The following FNTB variants were observed in gnomAD, a reference collection of about 807,000 sequenced individuals.
FNTB encodes the protein protein farnesyltransferase subunit beta.
Under a neutral mutation model 59.4 loss-of-function variants are expected in FNTB, and 27 were observed. The observed-to-expected ratio is 0.45, with a 90% CI of 0.34 to 0.63. The LOEUF is 0.63. FNTB is among the 20% of genes least tolerant of loss of function. FNTB has a pLI of 0.02. For synonymous variants in FNTB, 230 were observed against 220.7 expected (o/e 1.04, Z -0.37); for missense variants, 449 against 559.6 (o/e 0.80, Z 1.99).
At chr14:65,038,512 G>A (rs1411782497) in intron 7 of FNTB, among the ~76,000 whole-genome samples, 1 of 151,874 alleles carries the variant, frequency 6.6e-6, no homozygotes, top group African/African-American at 2.4e-5. Flanking sequence ...GAGGTCAGGA[G>A]TTCGAAACCA....
intron 1 of FNTB, among the ~76,000 whole-genome samples, chr14:65,002,594 G>T (rs926538308): frequency 6.6e-6 from 1 of 151,680 alleles, no homozygotes; most frequent in Non-Finnish European, 1.5e-5. Flanking sequence ...GGATGACAGA[G>T]ACTCCGTCTC....
At chr14:64,993,586 A>G (rs1427302734) in intron 1 of FNTB, among the ~76,000 whole-genome samples, 2 of 152,220 alleles carry the variant, frequency 1.3e-5, no homozygotes, top group Non-Finnish European at 2.9e-5. Flanking sequence ...TATATTTCAT[A>G]TATTAAATGA....
In FNTB at chr14:65,047,978, A is replaced by ATTTTTT. The variant is rs34879850; in HGVS notation, c.955+3557_955+3562dup. On this transcript the variant is annotated intron_variant, in intron 9 of 11. Coordinates refer to ENST00000246166, the MANE Select transcript of FNTB (RefSeq NM_002028.4). The surrounding 1 kb of genome is among the most constrained non-coding windows in gnomAD (Gnocchi z 5.2). ...AGACAGAAGGAGGGAGACTTTTTAG[A>ATTTTTT]TTTTTTTTTTTTTTTTTTTTTTTTT... Among the ~76,000 whole-genome samples the ATTTTTT allele has an allele frequency of 4.7e-5, 3 of 64,128 alleles. No homozygotes were observed. Among genetic ancestry groups the ATTTTTT allele is most frequent in the Non-Finnish European group, 8.2e-5 (3 of 36,398 alleles). The allele number at this position is 64,128 out of a possible 152,430, so 42.1% of individuals were successfully genotyped here. A position where few individuals can be genotyped will look rare whatever the true frequency, so the allele number is the denominator to read the frequency against.
Position 64,987,108 on chromosome 14 carries a change from A to T in FNTB, c.144+11A>T, listed in dbSNP as rs375130871. On this transcript the variant is annotated intron_variant, in intron 1 of 11. Coordinates refer to ENST00000246166, the MANE Select transcript of FNTB (RefSeq NM_002028.4). ...ACGTCCATAGAACAGGTGAGGTGGC[A>T]GGACTGGGCGAGGCGCCCGCGCGAT... The T allele has an allele frequency of 1.2e-6, 2 of 1,614,062 alleles. No homozygotes were observed. Among genetic ancestry groups the T allele is most frequent in the South Asian group, 2.2e-5 (2 of 91,078 alleles).
chr14:65,004,878 G>T (rs576515182), intron 2 of FNTB, among the ~76,000 whole-genome samples: 1 of 152,100 alleles, frequency 6.6e-6, no homozygotes, highest in Non-Finnish European at 1.5e-5. Flanking sequence ...GGCCAGTCTT[G>T]TCTTAAACTC....
In FNTB at chr14:65,002,594, G is replaced by A. The variant is rs926538308; in HGVS notation, c.145-1655G>A. Among the ~76,000 whole-genome samples the A allele has an allele frequency of 2.0e-5, 3 of 151,798 alleles. No individual in the cohort carries two copies. The South Asian group carries it at 6.2e-4, about 32-fold the overall frequency. Reference sequence around the variant, plus strand: ...ACTACACTCCAGCCTGGATGACAGAGACTCCGTCTCAAAAAAATAATAATA... The same window carrying A: ...ACTACACTCCAGCCTGGATGACAGAAACTCCGTCTCAAAAAAATAATAATA... On this transcript the variant is annotated intron_variant, in intron 1 of 11. Coordinates refer to ENST00000246166, the MANE Select transcript of FNTB (RefSeq NM_002028.4).
rs1273437506 is a variant in FNTB, at chr14:64,990,539, CT to C, written c.144+3443del. ...AGGTCTATGAGGAGTTCAGGTACCC[CT>C]GATTTACCAGCTCCAGATACTGCAT... On this transcript the variant is annotated intron_variant, in intron 1 of 11. Transcript: ENST00000246166. The surrounding 1 kb of genome is among the most constrained non-coding windows in gnomAD (Gnocchi z 5.2). Among the ~76,000 whole-genome samples the C allele has an allele frequency of 6.6e-6, 1 of 152,158 alleles. No individual in the cohort carries two copies. Among genetic ancestry groups the C allele is most frequent in the Non-Finnish European group, 1.5e-5 (1 of 68,028 alleles).
rs1331446921 is a variant in FNTB, at chr14:65,027,843, G to A, written c.605+62G>A. The A allele has an allele frequency of 3.1e-6, 5 of 1,606,062 alleles. No homozygotes were observed. Among genetic ancestry groups the A allele is most frequent in the East Asian group, 2.2e-5 (1 of 44,810 alleles). On this transcript the variant is annotated intron_variant, in intron 6 of 11. Transcript: ENST00000246166. The surrounding 1 kb of genome is among the most constrained non-coding windows in gnomAD (Gnocchi z 5.7). ...ACTCTAGAGCTCATCTGCCATTAGA[G>A]ATGCCAAGCCTAAGGAACATCATGG...
rs1193421431 is a variant in FNTB at position 65,031,401 on chromosome 14, C to T, written c.606-1209C>T. Among the ~76,000 whole-genome samples the T allele has an allele frequency of 6.6e-6, 1 of 151,346 alleles. No homozygotes were observed. Among genetic ancestry groups the T allele is most frequent in the Non-Finnish European group, 1.5e-5 (1 of 67,766 alleles). On this transcript the variant is annotated intron_variant, in intron 6 of 11. Transcript: ENST00000246166. The surrounding 1 kb of genome is among the most constrained non-coding windows in gnomAD (Gnocchi z 4.6). ...GGCATGATCTTGGCTCACTGCAACC[C>T]CCGCCTCCCGGGTTCAAGTGGTTCT...
At chr14:65,056,001 CCTT>C (rs1401707222) in intron 11 of FNTB, among the ~76,000 whole-genome samples, 1 of 152,164 alleles carries the variant, frequency 6.6e-6, no homozygotes, top group African/African-American at 2.4e-5. Flanking sequence ...TTTCCTCCCT[CCTT>C]CTCCAGAGGT....
rs1555390879 is a variant in FNTB at position 65,012,274 on chromosome 14, C to G, written c.210-43C>G. 1 of 1,610,704 alleles carries G rather than the reference C, an allele frequency of 6.2e-7. No individual in the cohort carries two copies. Among genetic ancestry groups the G allele is most frequent in the South Asian group, 1.1e-5 (1 of 90,954 alleles). ...TGCACATACGTGTGTATGGTGGAAG[C>G]ATAAGCTATTAGAATGGGCTTATAA... On this transcript the variant is annotated intron_variant, in intron 2 of 11. Transcript: ENST00000246166. The surrounding 1 kb of genome is among the most constrained non-coding windows in gnomAD (Gnocchi z 5.0).
chr14:64,989,885 G>A (rs1317832566), intron 1 of FNTB, among the ~76,000 whole-genome samples: 2 of 152,210 alleles, frequency 1.3e-5, no homozygotes, highest in African/African-American at 4.8e-5. Context: ...AAACGCTGTG[G>A]AGAGTAACAC....
intron 4 of FNTB, among the ~76,000 whole-genome samples, chr14:65,026,568 T>G (rs575095639): frequency 6.6e-6 from 1 of 152,290 alleles, no homozygotes; most frequent in East Asian, 1.9e-4. Context: ...CCATTAAAAA[T>G]GTGTTTTTCA....
intron 11 of FNTB, among the ~76,000 whole-genome samples, chr14:65,056,976 CAG>C (rs1566581018): frequency 6.6e-6 from 1 of 152,216 alleles, no homozygotes; most frequent in Non-Finnish European, 1.5e-5. Flanking sequence ...CCCATGCAAA[CAG>C]AGGAGAGCCT....
intron 4 of FNTB, among the ~76,000 whole-genome samples, chr14:65,026,609 C>T (rs1419548086): frequency 6.6e-6 from 1 of 152,174 alleles, no homozygotes; most frequent in Admixed American, 6.5e-5. Flanking sequence ...CCTGTAATCC[C>T]AGCACTTGCA....
At chr14:65,046,223 GC>G (rs2062473783) in intron 9 of FNTB, among the ~76,000 whole-genome samples, 1 of 151,802 alleles carries the variant, frequency 6.6e-6, no homozygotes, top group South Asian at 2.1e-4. Flanking sequence ...TGATCTGTCC[GC>G]CTTGGCCTCC....
chr14:65,043,585 G>C (rs2062400109), intron 8 of FNTB, among the ~76,000 whole-genome samples: 1 of 152,096 alleles, frequency 6.6e-6, no homozygotes, highest in East Asian at 1.9e-4. Context: ...CACTTTGGGA[G>C]GCCGAGGCGG....
At chr14:65,059,523 G>C (rs1165176453) in intron 11 of FNTB, among the ~76,000 whole-genome samples, 2 of 151,882 alleles carry the variant, frequency 1.3e-5, no homozygotes, top group African/African-American at 4.8e-5. Flanking sequence ...AGTCAATTTT[G>C]GCAGTTTTCC....
At chr14:65,050,558 T>G (rs917364869) in intron 9 of FNTB, among the ~76,000 whole-genome samples, 6 of 152,166 alleles carry the variant, frequency 3.9e-5, no homozygotes, top group African/African-American at 1.4e-4. Flanking sequence ...ACCACTGCAC[T>G]CCAGCCTGGG....
Sources: gnomAD v4.1 joint callset for allele counts (sites outside exome capture counted in the v4.1 genomes callset) on GRCh38, gnomAD v4.1.1 for gene constraint, Gnocchi (gnomAD v3.1) non-coding constraint, MANE v1.5 for transcripts, NCBI Gene and HGNC (gene_info 2026-07-23, HGNC 2026-07-21) for gene names.